Variants in DLG2 observed in about 807,000 individuals in gnomAD.
The protein encoded by DLG2 is disks large homolog 2.
DLG2 carries 45 observed loss-of-function variants against 132.5 expected under a neutral mutation model. That is an observed-to-expected ratio of 0.34 (90% CI 0.27 to 0.44). The LOEUF (loss-of-function observed/expected upper bound fraction) is 0.44, where lower values mean the gene tolerates loss of function less well. Among genes scored for constraint, DLG2 ranks in the 20% least tolerant of loss-of-function variants. The pLI is 1.00. For missense variants in DLG2, 1,045 were observed against 1,196.9 expected, an observed-to-expected ratio of 0.87 and a Z score of 1.87; for synonymous variants, 424 against 419.6, an observed-to-expected ratio of 1.01 and a Z score of -0.13.
At chr11:85,086,208 G>A (rs1379730649) in intron 6 of DLG2, among the ~76,000 whole-genome samples, 1 of 152,034 alleles carries the variant, frequency 6.6e-6, no homozygotes, top group Non-Finnish European at 1.5e-5. Flanking sequence ...CCAAGGGTCT[G>A]GAAGCCATCC....
intron 3 of DLG2, among the ~76,000 whole-genome samples, chr11:85,318,245 T>C (rs1349320447): frequency 6.6e-6 from 1 of 151,894 alleles, no homozygotes; most frequent in Non-Finnish European, 1.5e-5. Flanking sequence ...GAATTAATTC[T>C]TCCCACACTA....
chr11:85,089,070 T>C lies in DLG2; in HGVS notation c.357+22591A>G, dbSNP rs139603232. Reference sequence around the variant, plus strand: ...AGCAGAGCTCCTTACCACTTGAGGGTCCAAAGTCTCCCAGTTTGAGAACTA... The same window carrying C: ...AGCAGAGCTCCTTACCACTTGAGGGCCCAAAGTCTCCCAGTTTGAGAACTA... On this transcript the variant is annotated intron_variant, in intron 6 of 27. Coordinates refer to ENST00000376104, the MANE Select transcript of DLG2 (RefSeq NM_001142699.3). Among the ~76,000 whole-genome samples the C allele has an allele frequency of 1.4e-3, 216 of 152,320 alleles. 1 individual carries two copies. The highest frequency in any genetic ancestry group is 5.1e-3 in the African/African-American group (212 of 41,576).
intron 19 of DLG2, among the ~76,000 whole-genome samples, chr11:83,630,396 G>A (rs139304350): frequency 1.2e-4 from 18 of 152,180 alleles, no homozygotes; most frequent in Non-Finnish European, 2.2e-4. Context: ...TGGTTTTTTG[G>A]TGCAAGCAAA....
At chr11:83,583,535 T>C (rs145634288) in intron 19 of DLG2, among the ~76,000 whole-genome samples, 21 of 152,330 alleles carry the variant, frequency 1.4e-4, no homozygotes, top group Middle Eastern at 3.4e-3. Context: ...TCTTTATCCA[T>C]AATATGGAAG....
At chr11:84,176,879 CT>C (rs1566823498) in intron 8 of DLG2, among the ~76,000 whole-genome samples, 3 of 151,826 alleles carry the variant, frequency 2.0e-5, no homozygotes, top group Admixed American at 2.0e-4. Flanking sequence ...TCTCTCTTTT[CT>C]TTTCTTTTCT....
At chr11:85,121,943 TAA>T (rs2152366142) in intron 5 of DLG2, among the ~76,000 whole-genome samples, 1 of 152,302 alleles carries the variant, frequency 6.6e-6, no homozygotes, top group East Asian at 1.9e-4. Context: ...GATATCTACA[TAA>T]GAGTGTTGTG....
chr11:85,559,277 G>A (rs746904256), intron 3 of DLG2, among the ~76,000 whole-genome samples: 1 of 150,566 alleles, frequency 6.6e-6, no homozygotes, highest in East Asian at 2.0e-4. Context: ...TCAGCCTCCC[G>A]AGTACCTGGG....
intron 4 of DLG2, among the ~76,000 whole-genome samples, chr11:85,219,968 G>T (rs1020819389): frequency 1.3e-5 from 2 of 151,714 alleles, no homozygotes; most frequent in Non-Finnish European, 2.9e-5. Context: ...CTTCCCACAA[G>T]AAATTACAAC....
At chr11:83,807,000 A>T (rs989646830) in intron 17 of DLG2, among the ~76,000 whole-genome samples, 2 of 152,204 alleles carry the variant, frequency 1.3e-5, no homozygotes, top group African/African-American at 4.8e-5. Flanking sequence ...TGTGGGAAGT[A>T]TTAGGCAGAC....
intron 7 of DLG2, among the ~76,000 whole-genome samples, chr11:84,331,691 A>T (rs1040793657): frequency 1.3e-5 from 2 of 152,020 alleles, no homozygotes; most frequent in African/African-American, 4.8e-5. Context: ...GTTGTCAATT[A>T]CATCGGGGTG....
intron 3 of DLG2, among the ~76,000 whole-genome samples, chr11:85,346,145 G>T (rs2082828115): frequency 6.6e-6 from 1 of 151,694 alleles, no homozygotes; most frequent in African/African-American, 2.4e-5. Flanking sequence ...TATATGAGAT[G>T]TGCTCTGCTA....
At chr11:85,184,606 AGTT>A (rs2079965366) in intron 4 of DLG2, among the ~76,000 whole-genome samples, 1 of 151,870 alleles carries the variant, frequency 6.6e-6, no homozygotes, top group South Asian at 2.1e-4. Context: ...AGTAAAGGTT[AGTT>A]TCTTCCCTCA....
intron 6 of DLG2, among the ~76,000 whole-genome samples, chr11:85,049,584 G>A (rs1450580086): frequency 6.6e-6 from 1 of 152,054 alleles, no homozygotes; most frequent in East Asian, 1.9e-4. Context: ...CAATAAACAT[G>A]TGATAATAGC....
chr11:85,071,209 A>G (rs1386340826), intron 6 of DLG2, among the ~76,000 whole-genome samples: 1 of 151,746 alleles, frequency 6.6e-6, no homozygotes, highest in Non-Finnish European at 1.5e-5. Context: ...TTTTTATAAT[A>G]CTCTTTCCAG....
intron 6 of DLG2, among the ~76,000 whole-genome samples, chr11:85,105,777 C>G (rs1178056521): frequency 6.6e-6 from 1 of 151,842 alleles, no homozygotes; most frequent in African/African-American, 2.4e-5. Flanking sequence ...CTCTTCAAAG[C>G]CATTCTGGGT....
intron 6 of DLG2, among the ~76,000 whole-genome samples, chr11:84,823,570 TG>T (rs2077955085): frequency 7.3e-6 from 1 of 136,466 alleles, no homozygotes; most frequent in African/African-American, 2.8e-5. Flanking sequence ...TAGAATGGGA[TG>T]GTTGTATATC....
chr11:85,467,193 C>T (rs1350912616), intron 3 of DLG2, among the ~76,000 whole-genome samples: 1 of 152,178 alleles, frequency 6.6e-6, no homozygotes, highest in Non-Finnish European at 1.5e-5. Flanking sequence ...TGCCTATCAG[C>T]TTAAGGAGAT....
At chr11:84,273,108 A>C (rs2097749865) in intron 7 of DLG2, 2 of 1,439,950 alleles carry the variant, frequency 1.4e-6, no homozygotes, top group African/African-American at 2.9e-5. Context: ...AAGGAAGAAT[A>C]AATAAAAGAA....
At position 83,935,735 on chromosome 11, in the gene DLG2, A is replaced by T. The variant is rs1591385481; in HGVS notation, c.1341-5252T>A. Among the ~76,000 whole-genome samples the T allele has an allele frequency of 2.0e-5, 3 of 152,218 alleles. No individual in the cohort carries two copies. In the South Asian group the frequency reaches 6.2e-4, roughly 32 times the overall value. ...CATTTATAGACCTAAAATAATATTT[A>T]AAAAGATTTTTCTGTTTACCAGAAA... On this transcript the variant is annotated intron_variant, in intron 14 of 27. Coordinates refer to ENST00000376104, the MANE Select transcript of DLG2 (RefSeq NM_001142699.3).
Sources: allele counts gnomAD v4.1 joint callset (sites outside exome capture counted in the v4.1 genomes callset), GRCh38; gene constraint gnomAD v4.1.1; transcripts MANE v1.5; gene names NCBI Gene and HGNC (gene_info 2026-07-23, HGNC 2026-07-21).